VIPR1: variants seen among roughly 807,000 people sequenced by gnomAD.
VIPR1 encodes vasoactive intestinal peptide receptor 1.
A neutral mutation model predicts 58.8 loss-of-function variants in VIPR1; 59 were observed. That is an observed-to-expected ratio of 1.00 (90% confidence interval 0.81 to 1.25). The LOEUF (loss-of-function observed/expected upper bound fraction) is 1.25. Among genes scored for constraint, VIPR1 ranks in the 50% most tolerant of loss-of-function variants. The pLI is 0.00. For missense variants in VIPR1, 626 were observed against 602.7 expected, an observed-to-expected ratio of 1.04 and a Z score of -0.40; for synonymous variants, 251 against 242.1, an observed-to-expected ratio of 1.04 and a Z score of -0.34.
At chr3:42,506,039 CT>C (rs1416082203) in intron 1 of VIPR1, among the ~76,000 whole-genome samples, 1 of 152,200 alleles carries the variant, frequency 6.6e-6, no homozygotes, top group African/African-American at 2.4e-5. Context: ...ATCCCTTCTC[CT>C]ACGTCCCCAG....
intron 1 of VIPR1, among the ~76,000 whole-genome samples, chr3:42,504,975 AC>A (rs1559479400): frequency 6.8e-6 from 1 of 146,410 alleles, no homozygotes; most frequent in African/African-American, 2.5e-5. Context: ...CCCCAAGGCC[AC>A]CTGTCAAGCC....
At chr3:42,519,874 G>C (rs1700825021) in intron 3 of VIPR1, among the ~76,000 whole-genome samples, 1 of 152,228 alleles carries the variant, frequency 6.6e-6, no homozygotes, top group African/African-American at 2.4e-5. Flanking sequence ...CAGTGTGCCA[G>C]GCACTGAGCT....
rs548970119 is a variant in VIPR1, at chr3:42,526,869, G to A, written c.400-524G>A. On this transcript the variant is annotated intron_variant, in intron 4 of 12. Coordinates refer to ENST00000325123, the MANE Select transcript of VIPR1 (RefSeq NM_004624.4). The stretch of plus-strand genomic sequence containing the variant: ...TTGCCCTCCTCCACCGGAAAGGCCA[G>A]ACTGCCCTCATCCCACCGACCCCAA... Among the ~76,000 whole-genome samples, 126 of 152,268 alleles carry A rather than the reference G, an allele frequency of 8.3e-4. 1 individual carries two copies. Among genetic ancestry groups the A allele is most frequent in the Non-Finnish European group, 7.4e-5 (5 of 68,006 alleles).
chr3:42,532,313 G>C lies in VIPR1; in HGVS notation c.990G>C (p.Lys330Asn). 2 of 1,614,152 alleles carry C rather than the reference G, an allele frequency of 1.2e-6. No homozygotes were observed. The highest frequency in any genetic ancestry group is 1.7e-6 in the Non-Finnish European group (2 of 1,180,030). Reference protein sequence around the residue: ...LQKLRPPDIRKSDSSPYSRLA... With the variant: ...LQKLRPPDIRNSDSSPYSRLA... ...AACTGCGGCCCCCAGATATCAGGAA[G>C]AGTGACAGCAGTCCATACTCGTGAG... The change falls in exon 10 of 13, where the codon AAG becomes AAC. Residue 330 changes from lysine (K) to asparagine (N), a missense_variant. By Grantham distance (94) the Lys-to-Asn change is moderately conservative. Coordinates refer to ENST00000325123, the MANE Select transcript of VIPR1 (RefSeq NM_004624.4).
intron 1 of VIPR1, chr3:42,492,673 C>T (rs1302867675): frequency 2.6e-5 from 4 of 152,400 alleles, no homozygotes; most frequent in South Asian, 2.1e-4. Flanking sequence ...CCCTAAGACA[C>T]TTCCTGTCCA....
chr3:42,533,037 T>A (rs1440278713), intron 10 of VIPR1: 2 of 152,486 alleles, frequency 1.3e-5, no homozygotes, highest in African/African-American at 4.8e-5. Context: ...CAGGTTTTTT[T>A]GCGGGAGCAA....
intron 4 of VIPR1, 119 bp from the exon 5 acceptor site, chr3:42,527,274 C>T (rs758180431): frequency 4.4e-6 from 4 of 908,112 alleles, no homozygotes; most frequent in Non-Finnish European, 6.8e-6. Flanking sequence ...CCTCAGCCTC[C>T]TCATTTGCTG....
chr3:42,504,765 G>T (rs961632743), intron 1 of VIPR1, among the ~76,000 whole-genome samples: 1 of 147,826 alleles, frequency 6.8e-6, no homozygotes, highest in African/African-American at 2.4e-5. Flanking sequence ...CGGCGGGGTG[G>T]GGGGGCGGGG....
intron 2 of VIPR1, among the ~76,000 whole-genome samples, chr3:42,514,562 CACACACACACAT>C (rs1347235333): frequency 2.0e-5 from 3 of 151,896 alleles, no homozygotes; most frequent in African/African-American, 4.8e-5. Context: ...CACACACACA[CACACACACACAT>C]ACACACACGC....
intron 3 of VIPR1, chr3:42,519,566 A>G (rs1233348839): frequency 7.0e-6 from 3 of 430,230 alleles, no homozygotes; most frequent in African/African-American, 2.1e-5. Flanking sequence ...TCAACAATTG[A>G]TAACTGATTG....
At chr3:42,497,368 G>T (rs1223566159) in intron 1 of VIPR1, among the ~76,000 whole-genome samples, 3 of 152,122 alleles carry the variant, frequency 2.0e-5, no homozygotes, top group African/African-American at 7.2e-5. Context: ...TCAGACCCCT[G>T]GCTGGAAGTA....
chr3:42,530,934 T>C lies in VIPR1; in HGVS notation c.790+2T>C. ...GGGGGTACATACTCATCGGCTGGGG[T>C]ATGGTACCAGGGAGGGCTTCCAGGC... On this transcript the variant is annotated splice_donor_variant, in intron 7 of 12. Transcript: ENST00000325123. LOFTEE classifies it high-confidence loss of function. 6.2e-7 allele frequency: 1 copy of C among 1,613,736 alleles called. No homozygotes were observed. Among genetic ancestry groups the C allele is most frequent in the South Asian group, 1.1e-5 (1 of 91,058 alleles).
intron 2 of VIPR1, 152 bp from the exon 3 acceptor site, chr3:42,519,071 C>A: frequency 1.8e-6 from 1 of 570,682 alleles, no homozygotes; most frequent in Non-Finnish European, 2.9e-6. Flanking sequence ...GTGCAACCTC[C>A]GCAGGGCTGT....
rs200754044 is a variant in VIPR1 at position 42,532,225 on chromosome 3, G to C, written c.919-17G>C. ...CTTCCCGCTCTGACTGCCCGAACTC[G>C]GGTCCCCACCCACTAGGTAAACTTC... On this transcript the variant is annotated splice_polypyrimidine_tract_variant and intron_variant, in intron 9 of 12. Coordinates refer to ENST00000325123, the MANE Select transcript of VIPR1 (RefSeq NM_004624.4). 1,931 of 1,613,712 alleles carry C rather than the reference G, an allele frequency of 1.2e-3. 2 individuals are homozygous for C. The highest frequency in any genetic ancestry group is 2.5e-3 in the Middle Eastern group (15 of 6,060).
At chr3:42,495,391 G>A (rs1169037904) in intron 1 of VIPR1, among the ~76,000 whole-genome samples, 1 of 152,144 alleles carries the variant, frequency 6.6e-6, no homozygotes, top group Admixed American at 6.5e-5. Flanking sequence ...AAAGTGCTGG[G>A]ATTACAGGCA....
At chr3:42,529,121 C>G (rs948733184) in intron 6 of VIPR1, among the ~76,000 whole-genome samples, 1 of 152,114 alleles carries the variant, frequency 6.6e-6, no homozygotes, top group Non-Finnish European at 1.5e-5. Flanking sequence ...CGAAGCTTTT[C>G]TAAGACTAGG....
chr3:42,502,714 C>G lies in VIPR1; in HGVS notation c.-22C>G. 7.8e-7 allele frequency: 1 copy of G among 1,287,930 alleles called. No individual in the cohort carries two copies. Among genetic ancestry groups the G allele is most frequent in the Non-Finnish European group, 9.8e-7 (1 of 1,022,344 alleles). The allele number at this position is 1,287,930 out of a possible 1,614,324, so 79.8% of individuals were successfully genotyped here. A position where few individuals can be genotyped will look rare whatever the true frequency, so the allele number is the denominator to read the frequency against. ...AGCTCTTTGCCCGCGCGGGGCCGCCCGCCGCGGGCTCAGGGCAGACCATGC... is the reference window on the plus strand; with the variant it reads ...AGCTCTTTGCCCGCGCGGGGCCGCCGGCCGCGGGCTCAGGGCAGACCATGC... On this transcript the variant is annotated 5_prime_UTR_variant, in exon 1 of 13. Coordinates refer to ENST00000325123, the MANE Select transcript of VIPR1 (RefSeq NM_004624.4).
rs773861752 is a variant in VIPR1, at chr3:42,535,357, T to C, written c.1155T>C (p.Ala385=). 6.2e-7 allele frequency: 1 copy of C among 1,614,164 alleles called. No homozygotes were observed. Among genetic ancestry groups the C allele is most frequent in the Non-Finnish European group, 8.5e-7 (1 of 1,180,014 alleles). The change falls in exon 12 of 13, where the codon GCT becomes GCC. Residue 385 remains alanine, a synonymous_variant. Coordinates refer to ENST00000325123, the MANE Select transcript of VIPR1 (RefSeq NM_004624.4). ...TTCCTTCTCAGGGTTTTGTGGTGGC[T>C]ATCCTCTACTGCTTCCTCAATGGTG... ...VVGSFQGFVV[A]ILYCFLNGEV...
intron 1 of VIPR1, among the ~76,000 whole-genome samples, chr3:42,494,462 T>C (rs1369564271): frequency 6.6e-6 from 1 of 152,220 alleles, no homozygotes; most frequent in Non-Finnish European, 1.5e-5. Context: ...GAGCTTGGTA[T>C]TTTTTAGGGG....
Sources: allele counts gnomAD v4.1 joint callset (sites outside exome capture counted in the v4.1 genomes callset), GRCh38; gene constraint gnomAD v4.1.1; transcripts MANE v1.5; gene names NCBI Gene and HGNC (gene_info 2026-07-23, HGNC 2026-07-21).